The following MCTP2 variants were observed in gnomAD, a reference collection of about 807,000 sequenced individuals.
The protein encoded by MCTP2 is multiple C2 and transmembrane domain containing 2.
MCTP2 carries 132 observed loss-of-function variants against 111.6 expected under a neutral mutation model. The observed-to-expected ratio is 1.18, with a 90% confidence interval of 1.03 to 1.37. The LOEUF (loss-of-function observed/expected upper bound fraction) is 1.37. MCTP2 is among the 40% of genes most tolerant of loss of function. The pLI, the probability that MCTP2 is intolerant of heterozygous loss-of-function variation, is 0.00. For synonymous variants in MCTP2, 395 were observed against 387.7 expected, an observed-to-expected ratio of 1.02 and a Z score of -0.22; for missense variants, 1,183 against 1,067.9, an observed-to-expected ratio of 1.11 and a Z score of -1.50.
rs768399324 is a variant in MCTP2, at chr15:94,345,178, T to C, written c.1005+14T>C. On this transcript the variant is annotated intron_variant, in intron 8 of 22. Transcript: ENST00000357742. Reference sequence around the variant, plus strand: ...AGTGCCAGCAAGGTAAATATACTTTTTTTTCCTTTAGATCATTTGGTTAAA... The same window carrying C: ...AGTGCCAGCAAGGTAAATATACTTTCTTTTCCTTTAGATCATTTGGTTAAA... The C allele has an allele frequency of 4.3e-6, 7 of 1,609,356 alleles. No individual in the cohort carries two copies. The South Asian group carries it at 7.7e-5, about 18-fold the overall frequency.
At chr15:94,325,844 G>C (rs1320698004) in intron 4 of MCTP2, among the ~76,000 whole-genome samples, 1 of 98,828 alleles carries the variant, frequency 1.0e-5, no homozygotes, top group Non-Finnish European at 1.8e-5. Flanking sequence ...TTTTTGAGAC[G>C]GAGTCTTGGT....
intron 16 of MCTP2, among the ~76,000 whole-genome samples, chr15:94,401,433 C>CTA: frequency 6.6e-6 from 1 of 152,288 alleles, no homozygotes; most frequent in African/African-American, 2.4e-5. Flanking sequence ...ACTAGATAAG[C>CTA]TATAATACTT....
At chr15:94,318,577 G>A (rs2076488471) in intron 4 of MCTP2, among the ~76,000 whole-genome samples, 1 of 152,090 alleles carries the variant, frequency 6.6e-6, no homozygotes, top group African/African-American at 2.4e-5. Context: ...CCGGCCAATA[G>A]TTTTTAAGTT....
intron 17 of MCTP2, among the ~76,000 whole-genome samples, chr15:94,418,710 C>G (rs1004681864): frequency 7.9e-5 from 12 of 152,084 alleles, no homozygotes; most frequent in African/African-American, 2.9e-4. Flanking sequence ...GAAATCATCA[C>G]AAAATGTAGA....
At chr15:94,296,433 C>T (rs1225219466) in intron 1 of MCTP2, among the ~76,000 whole-genome samples, 1 of 152,188 alleles carries the variant, frequency 6.6e-6, no homozygotes, top group African/African-American at 2.4e-5. Context: ...TTACTCCATA[C>T]CTAGCACTGT....
chr15:94,375,411 T>C (rs776475201), intron 12 of MCTP2, among the ~76,000 whole-genome samples: 4 of 152,146 alleles, frequency 2.6e-5, no homozygotes, highest in Non-Finnish European at 4.4e-5. Flanking sequence ...TAATAGTCTA[T>C]ATGTTATGAA....
At chr15:94,450,312 C>T (rs2084363461) in intron 19 of MCTP2, among the ~76,000 whole-genome samples, 1 of 152,208 alleles carries the variant, frequency 6.6e-6, no homozygotes, top group African/African-American at 2.4e-5. Context: ...ATTTTAATAG[C>T]ACGAGCTGTG....
At chr15:94,286,701 A>T (rs1453528415) in intron 1 of MCTP2, among the ~76,000 whole-genome samples, 1 of 152,174 alleles carries the variant, frequency 6.6e-6, no homozygotes, top group African/African-American at 2.4e-5. Flanking sequence ...GGCTGGTATT[A>T]AAAAGGTTTG....
At chr15:94,288,804 G>C (rs1189378293) in intron 1 of MCTP2, among the ~76,000 whole-genome samples, 1 of 152,184 alleles carries the variant, frequency 6.6e-6, no homozygotes, top group Non-Finnish European at 1.5e-5. Context: ...AGCGAGGAAA[G>C]ATGTGAAGTG....
At chr15:94,289,110 T>C (rs541866720) in intron 1 of MCTP2, among the ~76,000 whole-genome samples, 1 of 152,238 alleles carries the variant, frequency 6.6e-6, no homozygotes, top group East Asian at 1.9e-4. Context: ...TTCAAAGAAA[T>C]GATGGCTGAA....
chr15:94,398,198 T>C (rs569507480), intron 14 of MCTP2, among the ~76,000 whole-genome samples: 1 of 152,324 alleles, frequency 6.6e-6, no homozygotes, highest in Admixed American at 6.5e-5. Flanking sequence ...GCATTTTGAG[T>C]GTTTTTGGAT....
intron 19 of MCTP2, among the ~76,000 whole-genome samples, chr15:94,456,382 C>G (rs1490995012): frequency 6.6e-6 from 1 of 152,166 alleles, no homozygotes; most frequent in Admixed American, 6.5e-5. Context: ...GACATGGAAA[C>G]TTGAGTCATT....
At chr15:94,333,821 T>C (rs540021765) in intron 4 of MCTP2, among the ~76,000 whole-genome samples, 2 of 152,310 alleles carry the variant, frequency 1.3e-5, no homozygotes, top group South Asian at 4.1e-4. Context: ...TATGAGGACT[T>C]AGTGATTTTT....
intron 1 of MCTP2, among the ~76,000 whole-genome samples, chr15:94,232,225 G>T (rs892186295): frequency 7.2e-5 from 11 of 152,204 alleles, no homozygotes; most frequent in Admixed American, 5.9e-4. Context: ...ATTAGTTTCC[G>T]CAATTAGTTC....
intron 1 of MCTP2, among the ~76,000 whole-genome samples, chr15:94,253,177 T>TACACACTTGTTTGAGGAGAG (rs2072554277): frequency 6.6e-6 from 1 of 152,212 alleles, no homozygotes; most frequent in Non-Finnish European, 1.5e-5. Context: ...CTTTTCACTT[T>TACACACTTGTTTGAGGAGAG]ACACACTTGT....
At chr15:94,310,598 G>A (rs909120869) in intron 2 of MCTP2, among the ~76,000 whole-genome samples, 50 of 151,964 alleles carry the variant, frequency 3.3e-4, no homozygotes, top group African/African-American at 1.2e-3. Flanking sequence ...AGACCAGCCT[G>A]GGCTGGTGTG....
At chr15:94,240,182 G>A (rs995130564) in intron 1 of MCTP2, among the ~76,000 whole-genome samples, 8 of 151,702 alleles carry the variant, frequency 5.3e-5, no homozygotes, top group Admixed American at 2.6e-4. Context: ...CTGATATTTC[G>A]GAGTCTCTAC....
At chr15:94,319,652 A>T (rs1048321667) in intron 4 of MCTP2, among the ~76,000 whole-genome samples, 17 of 152,318 alleles carry the variant, frequency 1.1e-4, no homozygotes, top group Non-Finnish European at 2.1e-4. Flanking sequence ...TTCTCCTTAG[A>T]GGTAGAGTTT....
intron 10 of MCTP2, among the ~76,000 whole-genome samples, 189 bp from the exon 11 acceptor site, chr15:94,367,416 C>G (rs1232097657): frequency 6.6e-6 from 1 of 152,120 alleles, no homozygotes; most frequent in Non-Finnish European, 1.5e-5. Context: ...TCTTCCTCTC[C>G]TTAATTTTAG....
Sources: gnomAD v4.1 joint callset for allele counts (sites outside exome capture counted in the v4.1 genomes callset) on GRCh38, gnomAD v4.1.1 for gene constraint, MANE v1.5 for transcripts, NCBI Gene and HGNC (gene_info 2026-07-23, HGNC 2026-07-21) for gene names.